The following SAMD4B variants were observed in gnomAD, a reference collection of about 807,000 sequenced individuals.
SAMD4B encodes the protein protein Smaug homolog 2.
A neutral mutation model predicts 74.5 loss-of-function variants in SAMD4B; 5 were observed. That is an observed-to-expected ratio of 0.07 (90% CI 0.04 to 0.14). The LOEUF (loss-of-function observed/expected upper bound fraction) is 0.14. Ranked by LOEUF, SAMD4B falls within the 10% of genes least tolerant of loss-of-function variation. The pLI is 1.00. For synonymous variants in SAMD4B, 373 were observed against 374.9 expected, an observed-to-expected ratio of 1.00 and a Z score of 0.06; for missense variants, 608 against 921.8, an observed-to-expected ratio of 0.66 and a Z score of 4.41.
chr19:39,347,643 A>G (rs553789601), intron 1 of SAMD4B, among the ~76,000 whole-genome samples: 2 of 152,342 alleles, frequency 1.3e-5, no homozygotes, highest in Admixed American at 1.3e-4. Flanking sequence ...AGTAATGGCA[A>G]TACCCTCACC....
chr19:39,382,552 C>T (rs1053243778), intron 12 of SAMD4B, among the ~76,000 whole-genome samples: 1 of 152,098 alleles, frequency 6.6e-6, no homozygotes, highest in African/African-American at 2.4e-5. Flanking sequence ...CGTCTAAATC[C>T]AGGTAAACAG....
chr19:39,360,696 C>T (rs1010538186), intron 3 of SAMD4B, among the ~76,000 whole-genome samples: 14 of 152,192 alleles, frequency 9.2e-5, no homozygotes, highest in Admixed American at 2.6e-4. Context: ...ACTTTCTGGG[C>T]CTGGAGACCT....
downstream of SAMD4B, chr19:39,386,337 T>C: frequency 6.2e-7 from 1 of 1,614,206 alleles, no homozygotes; most frequent in Non-Finnish European, 8.5e-7. The surrounding 1 kb of genome is among the most constrained non-coding windows in gnomAD (Gnocchi z 6.1). Flanking sequence ...CCGTTCACTC[T>C]CGCTGCCCGA....
At chr19:39,388,655 C>G, downstream of SAMD4B, 3 of 1,614,144 alleles carry the variant, frequency 1.9e-6, no homozygotes, top group Non-Finnish European at 2.5e-6. Context: ...CAAACTGGTT[C>G]CCTTCCTCAT....
At chr19:39,389,691 C>G, downstream of SAMD4B, 2 of 1,614,162 alleles carry the variant, frequency 1.2e-6, no homozygotes, top group Non-Finnish European at 1.7e-6. The surrounding 1 kb of genome is among the most constrained non-coding windows in gnomAD (Gnocchi z 5.3). Context: ...ATGGTGACCC[C>G]CAGGTCTGGC....
chr19:39,376,358 G>C, intron 5 of SAMD4B, 79 bp from the exon 6 acceptor site: 2 of 1,239,078 alleles, frequency 1.6e-6, no homozygotes, highest in Non-Finnish European at 1.2e-6. Flanking sequence ...CTTCCTGTGG[G>C]TTTATCCCCA....
chr19:39,385,519 C>T lies in SAMD4B; in HGVS notation c.*1992C>T, dbSNP rs1156987438. On this transcript the variant is annotated 3_prime_UTR_variant, in exon 14 of 14. Coordinates refer to ENST00000610417, the MANE Select transcript of SAMD4B (RefSeq NM_001384574.2). ...CCCTCTCCCGCTCCAGCCCCCTCCC[C>T]AGGCCCTCCTCCATGATTTCACCCT... 12 of 474,358 alleles carry T rather than the reference C, an allele frequency of 2.5e-5. No homozygotes were observed. The East Asian group carries it at 3.8e-4, about 15-fold the overall frequency. 29.4% of individuals were successfully genotyped at this position (474,358 alleles called of 1,614,324 possible). A position where few individuals can be genotyped will look rare whatever the true frequency, so the allele number is the denominator to read the frequency against.
downstream of SAMD4B, chr19:39,386,176 T>C (rs767512579): frequency 6.2e-7 from 1 of 1,614,166 alleles, no homozygotes; most frequent in African/African-American, 1.3e-5. The surrounding 1 kb of genome is among the most constrained non-coding windows in gnomAD (Gnocchi z 6.1). Flanking sequence ...GCCTGTCCTC[T>C]GTCCTCATCA....
intron 3 of SAMD4B, among the ~76,000 whole-genome samples, chr19:39,357,372 A>G (rs2076394195): frequency 6.6e-6 from 1 of 152,226 alleles, no homozygotes; most frequent in Non-Finnish European, 1.5e-5. Flanking sequence ...GGCTGCTGAA[A>G]GGAACAGACT....
At chr19:39,347,414 A>C (rs769666821) in intron 1 of SAMD4B, among the ~76,000 whole-genome samples, 3 of 152,228 alleles carry the variant, frequency 2.0e-5, no homozygotes, top group Non-Finnish European at 2.9e-5. Flanking sequence ...TTGCTGAGCC[A>C]AATAGGCCTG....
Position 39,377,601 on chromosome 19 carries a change from C to T in SAMD4B, c.1221C>T (p.Thr407=). The T allele has an allele frequency of 6.2e-7, 1 of 1,614,102 alleles. No homozygotes were observed. Among genetic ancestry groups the T allele is most frequent in the Non-Finnish European group, 8.5e-7 (1 of 1,179,988 alleles). The change falls in exon 8 of 14, where the codon ACC becomes ACT. Residue 407 remains threonine (T), a synonymous_variant. Transcript: ENST00000610417. ...CCACCGTGGCTGCCGCCACCACCAC[C>T]CCTACTGCCAAGGATGGGGCCCCGG... The part of the protein sequence containing the change: ...LQATVAAATT[T]PTAKDGAPGE...
At chr19:39,344,754 C>G (rs2075588015) in intron 1 of SAMD4B, among the ~76,000 whole-genome samples, 1 of 152,150 alleles carries the variant, frequency 6.6e-6, no homozygotes, top group Non-Finnish European at 1.5e-5. Flanking sequence ...TGTAAAGATT[C>G]TTGAGAGACA....
chr19:39,379,052 CTCTCT>C (rs1040973466), intron 9 of SAMD4B, among the ~76,000 whole-genome samples: 183 of 151,792 alleles, frequency 1.2e-3, no homozygotes, highest in African/African-American at 4.3e-3. Context: ...TCCTCTCTCT[CTCTCT>C]TTTTTTTTTT....
intron 4 of SAMD4B, among the ~76,000 whole-genome samples, chr19:39,371,633 A>T (rs186229366): frequency 6.6e-6 from 1 of 152,274 alleles, no homozygotes; most frequent in Non-Finnish European, 1.5e-5. Context: ...CCTGACCAAC[A>T]TGGTGAAACC....
In SAMD4B at chr19:39,383,269, C is replaced by G; in HGVS notation, c.2034C>G (p.Ser678Arg). Residue 678 changes from serine (S) to arginine (R), a missense_variant, in exon 13 of 14, where the codon AGC becomes AGG. Ser to Arg is a moderately radical substitution (Grantham distance 110, BLOSUM62 -1). Around this residue, in one of 9 missense-constraint regions of SAMD4B, gnomAD observed 15 missense variants for 40.5 expected, o/e 0.37. Transcript: ENST00000610417. The surrounding 1 kb of genome is among the most constrained non-coding windows in gnomAD (Gnocchi z 4.1). ...INPTLESLCL[S>R]MTEHALGDGT... ...CCACTCTGGAGTCTCTGTGTCTGAGCATGACAGAACACGCCTTGGGTGGTG... is the reference window on the plus strand; with the variant it reads ...CCACTCTGGAGTCTCTGTGTCTGAGGATGACAGAACACGCCTTGGGTGGTG... The G allele has an allele frequency of 6.2e-7, 1 of 1,614,146 alleles. No individual in the cohort carries two copies. Among genetic ancestry groups the G allele is most frequent in the Non-Finnish European group, 8.5e-7 (1 of 1,180,012 alleles).
downstream of SAMD4B, chr19:39,386,464 T>C: frequency 6.2e-7 from 1 of 1,614,186 alleles, no homozygotes; most frequent in Non-Finnish European, 8.5e-7. This position sits in a 1 kb window ranked among gnomAD's most constrained non-coding sequence, Gnocchi z 6.1. Context: ...TCCCAGAGTC[T>C]GGCCTGTCCA....
chr19:39,354,468 C>G (rs1258413971), intron 2 of SAMD4B, among the ~76,000 whole-genome samples: 1 of 152,126 alleles, frequency 6.6e-6, no homozygotes, highest in Non-Finnish European at 1.5e-5. Context: ...TATAGAAATC[C>G]CAAGTGTGGC....
chr19:39,344,837 T>C (rs2075595017), intron 1 of SAMD4B, among the ~76,000 whole-genome samples: 1 of 152,132 alleles, frequency 6.6e-6, no homozygotes, highest in South Asian at 2.1e-4. Context: ...GGTGCCATGC[T>C]CATAGACCCC....
chr19:39,381,876 G>A (rs2078010513), intron 12 of SAMD4B, among the ~76,000 whole-genome samples: 1 of 152,194 alleles, frequency 6.6e-6, no homozygotes, highest in South Asian at 2.1e-4. Flanking sequence ...AGGCTGTAGT[G>A]AGCAGAGATT....
Sources: allele counts gnomAD v4.1 joint callset (sites outside exome capture counted in the v4.1 genomes callset), GRCh38; gene constraint gnomAD v4.1.1; regional missense constraint gnomAD v4.1.1; non-coding constraint Gnocchi (gnomAD v3.1); transcripts MANE v1.5; gene names NCBI Gene and HGNC (gene_info 2026-07-23, HGNC 2026-07-21).